Variants in ATAD3C observed in about 807,000 individuals in gnomAD.
ATAD3C encodes the protein ATPase family AAA domain-containing protein 3C.
ATAD3C carries 38 observed loss-of-function variants against 46.3 expected under a neutral mutation model. That is an observed-to-expected ratio of 0.82 (90% CI 0.63 to 1.08). The LOEUF is 1.08. Among genes scored for constraint, ATAD3C ranks in the 50% least tolerant of loss-of-function variants. The pLI, the probability that ATAD3C is intolerant of heterozygous loss-of-function variation, is 0.00. For synonymous variants in ATAD3C, 220 were observed against 236.4 expected, an observed-to-expected ratio of 0.93 and a Z score of 0.63; for missense variants, 563 against 572.7, an observed-to-expected ratio of 0.98 and a Z score of 0.17.
At chr1:1,450,916 C>T (rs1394493393) in intron 1 of ATAD3C, among the ~76,000 whole-genome samples, 158 bp downstream of exon 1, 2 of 151,772 alleles carry the variant, frequency 1.3e-5, no homozygotes, top group Non-Finnish European at 2.9e-5. Context: ...CAGAAGGAAA[C>T]AAGGGGAGGT....
Position 1,462,470 on chromosome 1 carries a change from T to C in ATAD3C, c.981-130T>C. ...TCAGGAAGGGGGCGGAACTTGGCTG[T>C]CACAGGTAGAGAGTCCCTCTCAAGG... On this transcript the variant is annotated intron_variant, in intron 10 of 11. Coordinates refer to ENST00000378785, the MANE Select transcript of ATAD3C (RefSeq NM_001039211.3). This position sits in a 1 kb window ranked among gnomAD's most constrained non-coding sequence, Gnocchi z 4.5. 1 of 991,158 alleles carries C rather than the reference T, an allele frequency of 1.0e-6. No individual in the cohort carries two copies. The highest frequency in any genetic ancestry group is 1.5e-6 in the Non-Finnish European group (1 of 654,920). The allele number at this position is 991,158 out of a possible 1,614,324, so 61.4% of individuals were successfully genotyped here. A position where few individuals can be genotyped will look rare whatever the true frequency, so the allele number is the denominator to read the frequency against.
chr1:1,461,646 G>A (rs138115213), intron 10 of ATAD3C, among the ~76,000 whole-genome samples: 6,890 of 111,274 alleles, frequency 0.062, 416 homozygotes, highest in African/African-American at 0.3. Context: ...CCCATGTAGG[G>A]ACTGGAGGGA....
Position 1,468,962 on chromosome 1 carries a change from T to A in ATAD3C, c.*432T>A, listed in dbSNP as rs1427959190. 4.4e-5 allele frequency: 9 copies of A among 204,156 alleles called. No individual in the cohort carries two copies. The highest frequency in any genetic ancestry group is 7.9e-5 in the Non-Finnish European group (8 of 100,842). The allele number at this position is 204,156 out of a possible 1,614,324, so 12.6% of individuals were successfully genotyped here. ...GCCGCCCCTGCCCGCGCTTTGCAGCTAGTCCCTGCAAACCTTGATGATGGG... is the reference window on the plus strand; with the variant it reads ...GCCGCCCCTGCCCGCGCTTTGCAGCAAGTCCCTGCAAACCTTGATGATGGG... On this transcript the variant is annotated 3_prime_UTR_variant, in exon 12 of 12. Transcript: ENST00000378785.
intron 1 of ATAD3C, 83 bp downstream of exon 1, chr1:1,450,841 T>A: frequency 6.3e-7 from 1 of 1,580,756 alleles, no homozygotes; most frequent in Non-Finnish European, 8.6e-7. Flanking sequence ...TGCCGGTGGG[T>A]AGGGCCGGGG....
In ATAD3C at chr1:1,459,648, C is replaced by G. The variant is rs564146548; in HGVS notation, c.812+417C>G. Among the ~76,000 whole-genome samples, 65 of 151,782 alleles carry G rather than the reference C, an allele frequency of 4.3e-4. 1 individual carries two copies. The highest frequency in any genetic ancestry group is 8.1e-4 in the Non-Finnish European group (55 of 67,908). Reference sequence around the variant, plus strand: ...CACGGGAAGTTGGACACCAGCAGGTCCTGTGTGTCGGGGCGGAACCTGGGA... The same window carrying G: ...CACGGGAAGTTGGACACCAGCAGGTGCTGTGTGTCGGGGCGGAACCTGGGA... On this transcript the variant is annotated intron_variant, in intron 9 of 11. Transcript: ENST00000378785. The surrounding 1 kb of genome is among the most constrained non-coding windows in gnomAD (Gnocchi z 4.9).
rs368930216 is a variant in ATAD3C, at chr1:1,455,904, G to A, written c.552G>A (p.Thr184=). 21 of 1,613,222 alleles carry A rather than the reference G, an allele frequency of 1.3e-5. No homozygotes were observed. Among genetic ancestry groups the A allele is most frequent in the East Asian group, 4.5e-5 (2 of 44,864 alleles). Residue 184 remains threonine, a synonymous_variant, in exon 6 of 12, where the codon ACG becomes ACA. Coordinates refer to ENST00000378785, the MANE Select transcript of ATAD3C (RefSeq NM_001039211.3). The part of the protein sequence containing the change: ...LLYGPPGTGK[T]LFAKKLALHS... ...ACGGGCCACCAGGCACCGGGAAGAC[G>A]CTGTTTGCCAAGGTGAGAGTGCCTA...
At chr1:1,454,751 G>A (rs1403579595) in intron 4 of ATAD3C, among the ~76,000 whole-genome samples, 1 of 151,794 alleles carries the variant, frequency 6.6e-6, no homozygotes, top group Non-Finnish European at 1.5e-5. Flanking sequence ...GCACATCGGG[G>A]TCCTTGCAAG....
chr1:1,460,266 G>A (rs1026523325), intron 9 of ATAD3C, among the ~76,000 whole-genome samples: 4 of 151,790 alleles, frequency 2.6e-5, no homozygotes, highest in African/African-American at 9.7e-5. Context: ...TTTTTTAGTA[G>A]AGATGGGGTT....
rs867923931 is a variant in ATAD3C, at chr1:1,455,585, G to A, written c.438+66G>A. Reference sequence around the variant, plus strand: ...GACCCCGGAGCTGGGCTGGGCTGTGGCCCTTGCTGGCGCTCCTGGTGGCGC... The same window carrying A: ...GACCCCGGAGCTGGGCTGGGCTGTGACCCTTGCTGGCGCTCCTGGTGGCGC... On this transcript the variant is annotated intron_variant, in intron 5 of 11. Transcript: ENST00000378785. 5.6e-6 allele frequency: 9 copies of A among 1,606,514 alleles called. 1 individual carries two copies. The highest frequency in any genetic ancestry group is 5.5e-5 in the South Asian group (5 of 90,388).
In ATAD3C at chr1:1,469,180, G is replaced by C. The variant is rs1254462804; in HGVS notation, c.*650G>C. On this transcript the variant is annotated 3_prime_UTR_variant, in exon 12 of 12. Transcript: ENST00000378785. ...AAGTGCCTGAAATCCCAGGTACTCA[G>C]GAGGCTGAGGCAGGAGAATCACTTG... is the stretch of plus-strand genomic sequence containing the variant. The C allele has an allele frequency of 6.8e-6, 1 of 147,866 alleles. No homozygotes were observed. The highest frequency in any genetic ancestry group is 2.5e-5 in the African/African-American group (1 of 39,474). The allele number at this position is 147,866 out of a possible 1,614,324, so 9.2% of individuals were successfully genotyped here.
chr1:1,458,862 A>G (rs1205230666), intron 8 of ATAD3C, among the ~76,000 whole-genome samples: 3 of 151,686 alleles, frequency 2.0e-5, no homozygotes, highest in East Asian at 3.9e-4. Flanking sequence ...AGCTGGGACC[A>G]CAGGTGTGCC....
At position 1,452,347 on chromosome 1, in the gene ATAD3C, C is replaced by A; in HGVS notation, c.153-18C>A. The A allele has an allele frequency of 6.2e-7, 1 of 1,613,738 alleles. No homozygotes were observed. The highest frequency in any genetic ancestry group is 8.5e-7 in the Non-Finnish European group (1 of 1,179,712). Reference sequence around the variant, plus strand: ...GGTCTTTGTTTCCCTCCTGGTCACACCACTGCTTTCCCCACAGGGCGGCTG... The same window carrying A: ...GGTCTTTGTTTCCCTCCTGGTCACAACACTGCTTTCCCCACAGGGCGGCTG... On this transcript the variant is annotated intron_variant, in intron 2 of 11. Transcript: ENST00000378785.
rs752851120 is a variant in ATAD3C, at chr1:1,466,386, A to G, written c.1090-1998A>G. 2.6e-5 allele frequency among the ~76,000 whole-genome samples: 4 copies of G among 151,592 alleles called. 1 individual carries two copies. Among genetic ancestry groups the G allele is most frequent in the African/African-American group, 9.7e-5 (4 of 41,268 alleles). ...GCTAACATGGTGAAACCCTGTCTCT[A>G]CTAAAAAATATAAAAAATTAGCTGG... is the stretch of plus-strand genomic sequence containing the variant. On this transcript the variant is annotated intron_variant, in intron 11 of 11. Coordinates refer to ENST00000378785, the MANE Select transcript of ATAD3C (RefSeq NM_001039211.3).
chr1:1,450,824 G>A, intron 1 of ATAD3C, 66 bp downstream of exon 1: 5 of 1,600,814 alleles, frequency 3.1e-6, no homozygotes, highest in Non-Finnish European at 4.3e-6. Context: ...GAGATTGGTA[G>A]GGCTACTGCC....
At chr1:1,455,730 C>T (rs558210999) in intron 5 of ATAD3C, 61 bp from the exon 6 acceptor site, 2 of 1,604,438 alleles carry the variant, frequency 1.2e-6, no homozygotes, top group East Asian at 4.5e-5. Flanking sequence ...CTCGCAGCCC[C>T]TGCCCCCGAG....
In ATAD3C at chr1:1,449,907, G is replaced by A. The variant is rs1638825663; in HGVS notation, c.-777G>A. On this transcript the variant is annotated 5_prime_UTR_variant, in exon 1 of 12. An upstream open reading frame in the 5' UTR loses its in-frame stop. Coordinates refer to ENST00000378785, the MANE Select transcript of ATAD3C (RefSeq NM_001039211.3). ...TCCCCACTAGGAACAAAATGTAACT[G>A]AGGACGTTGTCAGATGCTTGTCCTC... 1.3e-5 allele frequency: 2 copies of A among 152,058 alleles called. No homozygotes were observed. Among genetic ancestry groups the A allele is most frequent in the African/African-American group, 4.8e-5 (2 of 41,446 alleles). The allele number at this position is 152,058 out of a possible 1,614,324, so 9.4% of individuals were successfully genotyped here.
At chr1:1,455,216 CAAAAAAAA>C (rs56939451) in intron 4 of ATAD3C, among the ~76,000 whole-genome samples, 2 of 49,280 alleles carry the variant, frequency 4.1e-5, no homozygotes, top group African/African-American at 5.6e-5. Context: ...GACTCCGTCT[CAAAAAAAA>C]AAAAAAAAAA....
At chr1:1,468,019 G>T (rs1639171769) in intron 11 of ATAD3C, among the ~76,000 whole-genome samples, 2 of 151,852 alleles carry the variant, frequency 1.3e-5, no homozygotes, top group Non-Finnish European at 2.9e-5. Flanking sequence ...GAGGGTCTGA[G>T]GTGCACTATG....
intron 10 of ATAD3C, among the ~76,000 whole-genome samples, 196 bp downstream of exon 10, chr1:1,461,113 C>G (rs1205933601): frequency 2.0e-5 from 3 of 152,040 alleles, no homozygotes; most frequent in Non-Finnish European, 4.4e-5. Flanking sequence ...CCACCCTTTC[C>G]TCATCCCCAC....
Sources: allele counts gnomAD v4.1 joint callset (sites outside exome capture counted in the v4.1 genomes callset), GRCh38; gene constraint gnomAD v4.1.1; non-coding constraint Gnocchi (gnomAD v3.1); transcripts MANE v1.5; gene names NCBI Gene and HGNC (gene_info 2026-07-23, HGNC 2026-07-21).